EYS: variants seen among roughly 807,000 people sequenced by gnomAD.
EYS encodes protein eyes shut homolog.
In EYS, 250 loss-of-function variants were observed where a neutral mutation model predicts 282.1. That is an observed-to-expected ratio of 0.89 (90% confidence interval 0.80 to 0.98). The LOEUF is 0.98. EYS is among the 50% of genes least tolerant of loss of function. EYS has a pLI of 0.00. For missense variants in EYS, 4,016 were observed against 3,709.0 expected (o/e 1.08, Z -2.15); for synonymous variants, 1,355 against 1,282.9 (o/e 1.06, Z -1.20).
At chr6:64,704,483 T>A in intron 22 of EYS, among the ~76,000 whole-genome samples, 1 of 10,870 alleles carries the variant, frequency 9.2e-5, no homozygotes, top group East Asian at 9.4e-4. Context: ...ATAATTATAT[T>A]ATAATTATAA....
At chr6:64,025,868 A>G (rs753311971) in intron 33 of EYS, among the ~76,000 whole-genome samples, 1 of 152,210 alleles carries the variant, frequency 6.6e-6, no homozygotes, top group Non-Finnish European at 1.5e-5. Context: ...GGAAAGGGGT[A>G]AAGTCCCAGT....
chr6:64,453,184 A>C (rs1168830193), intron 26 of EYS, among the ~76,000 whole-genome samples: 1 of 152,108 alleles, frequency 6.6e-6, no homozygotes, highest in Non-Finnish European at 1.5e-5. Flanking sequence ...ACCCCATCAA[A>C]AAGTGGACGA....
chr6:63,981,829 G>A (rs990330610), intron 35 of EYS, among the ~76,000 whole-genome samples: 3 of 151,754 alleles, frequency 2.0e-5, no homozygotes, highest in Admixed American at 6.6e-5. Context: ...GAGCTTCCAC[G>A]CTAGAATAAA....
chr6:65,249,726 T>A (rs1767271016), intron 12 of EYS, among the ~76,000 whole-genome samples: 1 of 152,076 alleles, frequency 6.6e-6, no homozygotes, highest in East Asian at 1.9e-4. Context: ...TTAAAGTACA[T>A]ATGCTGCTTC....
intron 5 of EYS, among the ~76,000 whole-genome samples, chr6:65,415,587 G>A (rs367764905): frequency 1.3e-5 from 2 of 151,974 alleles, no homozygotes; most frequent in East Asian, 1.9e-4. Flanking sequence ...CCCGCCCACC[G>A]GTAAAGGGAT....
chr6:63,818,221 T>A (rs866398104), intron 36 of EYS, among the ~76,000 whole-genome samples: 6 of 152,188 alleles, frequency 3.9e-5, no homozygotes, highest in African/African-American at 7.2e-5. Context: ...CAGTTTCACA[T>A]TGAGGGGGCA....
rs1449863292 is a variant in EYS at position 63,721,611 on chromosome 6, T to G, written c.8420A>C (p.Lys2807Thr). Residue 2807 changes from lysine (K) to threonine (T), a missense_variant, in exon 43 of 43, where the codon AAG becomes ACG. By Grantham distance (78) the Lys-to-Thr change is moderately conservative. Coordinates refer to ENST00000503581, the MANE Select transcript of EYS (RefSeq NM_001142800.2). ...CAGAGAACTCATTTTAGTGGAGGCC[T>G]TTTCTGTTACATTTATCCCATCTAG... is the stretch of plus-strand genomic sequence containing the variant. ...LDLDGINVTEKASTKMSSLDT... is the reference protein window; with the variant it reads ...LDLDGINVTETASTKMSSLDT... 5 of 1,550,930 alleles carry G rather than the reference T, an allele frequency of 3.2e-6. No homozygotes were observed. The highest frequency in any genetic ancestry group is 4.4e-6 in the Non-Finnish European group (5 of 1,146,198).
intron 34 of EYS, among the ~76,000 whole-genome samples, chr6:63,998,370 T>C (rs1258176127): frequency 2.0e-5 from 3 of 152,188 alleles, no homozygotes; most frequent in African/African-American, 7.2e-5. Context: ...CAAGAGACTA[T>C]ATAGAAGAAA....
chr6:65,371,708 CCTCTCTCT>C lies in EYS; in HGVS notation c.1299+12670_1299+12677del, dbSNP rs140879689. Among the ~76,000 whole-genome samples the C allele has an allele frequency of 4.8e-4, 57 of 119,164 alleles. 1 individual carries two copies. The highest frequency in any genetic ancestry group is 1.6e-3 in the African/African-American group (46 of 28,446). The allele number at this position is 119,164 out of a possible 152,430, so 78.2% of individuals were successfully genotyped here. A position where few individuals can be genotyped will look rare whatever the true frequency, so the allele number is the denominator to read the frequency against. ...CTTCAAATTCCTCTCTCTCTCTCTC[CCTCTCTCT>C]CTCTCTCTCTCTCTCTCTCTCTCTC... On this transcript the variant is annotated intron_variant, in intron 8 of 42. Coordinates refer to ENST00000503581, the MANE Select transcript of EYS (RefSeq NM_001142800.2).
At chr6:64,579,513 T>G (rs1003234783) in intron 26 of EYS, among the ~76,000 whole-genome samples, 1 of 152,114 alleles carries the variant, frequency 6.6e-6, no homozygotes, top group Admixed American at 6.6e-5. Flanking sequence ...ATAATTATCC[T>G]TGAAACCAGG....
At chr6:64,671,738 A>T (rs999328951) in intron 22 of EYS, among the ~76,000 whole-genome samples, 9 of 152,202 alleles carry the variant, frequency 5.9e-5, no homozygotes, top group African/African-American at 2.2e-4. Flanking sequence ...TTTAAAAAAA[A>T]ACCAAACATA....
At chr6:65,669,046 GAT>G (rs898049448) in intron 1 of EYS, among the ~76,000 whole-genome samples, 4 of 152,016 alleles carry the variant, frequency 2.6e-5, no homozygotes, top group Admixed American at 2.6e-4. Context: ...TTAAATGTAT[GAT>G]GTTTATTTAA....
At chr6:64,860,730 T>C (rs1249647784) in intron 19 of EYS, among the ~76,000 whole-genome samples, 1 of 152,194 alleles carries the variant, frequency 6.6e-6, no homozygotes, top group Non-Finnish European at 1.5e-5. Context: ...CTTTCAGCTC[T>C]GCCACTCAGT....
chr6:65,330,434 A>C (rs1301790646), intron 11 of EYS: 1 of 984,250 alleles, frequency 1.0e-6, no homozygotes, highest in Non-Finnish European at 1.2e-6. Context: ...GACTTAGCAA[A>C]TCTTTCCTGG....
intron 30 of EYS, among the ~76,000 whole-genome samples, chr6:64,301,034 C>T (rs1026589401): frequency 1.3e-5 from 2 of 152,166 alleles, no homozygotes; most frequent in Non-Finnish European, 2.9e-5. Flanking sequence ...CCAGTACTTT[C>T]AAAGTTAGAT....
At chr6:65,493,201 C>A (rs1417036867) in intron 4 of EYS, among the ~76,000 whole-genome samples, 1 of 152,124 alleles carries the variant, frequency 6.6e-6, no homozygotes, top group African/African-American at 2.4e-5. Context: ...AGGCATGAGC[C>A]GCCTCCAAGT....
chr6:63,801,181 A>G (rs987576301), intron 37 of EYS, among the ~76,000 whole-genome samples: 3 of 152,176 alleles, frequency 2.0e-5, no homozygotes, highest in Admixed American at 6.5e-5. Flanking sequence ...GAGGGGAAGA[A>G]GGACATGACT....
At chr6:64,024,436 C>A (rs1046887182) in intron 33 of EYS, among the ~76,000 whole-genome samples, 1 of 152,100 alleles carries the variant, frequency 6.6e-6, no homozygotes, top group Non-Finnish European at 1.5e-5. Context: ...CCAATCAGCA[C>A]CCTGTCAAAA....
chr6:64,957,827 A>G (rs970214019), intron 14 of EYS, among the ~76,000 whole-genome samples: 3 of 152,186 alleles, frequency 2.0e-5, no homozygotes, highest in Admixed American at 2.0e-4. Context: ...GCTTTTTCAC[A>G]GCAAAACAGA....
Sources: allele counts gnomAD v4.1 joint callset (sites outside exome capture counted in the v4.1 genomes callset), GRCh38; gene constraint gnomAD v4.1.1; transcripts MANE v1.5; gene names NCBI Gene and HGNC (gene_info 2026-07-23, HGNC 2026-07-21).